Variants in FGGY observed in about 807,000 individuals in gnomAD.
The protein encoded by FGGY is FGGY carbohydrate kinase domain containing.
A neutral mutation model predicts 71.3 loss-of-function variants in FGGY; 72 were observed. The observed-to-expected ratio is 1.01, with a 90% confidence interval of 0.84 to 1.23. The LOEUF (loss-of-function observed/expected upper bound fraction) is 1.23. FGGY is among the 50% of genes most tolerant of loss of function. The pLI, the probability that FGGY is intolerant of heterozygous loss-of-function variation, is 0.00. For synonymous variants in FGGY, 251 were observed against 250.3 expected, an observed-to-expected ratio of 1.00 and a Z score of -0.02; for missense variants, 668 against 682.3, an observed-to-expected ratio of 0.98 and a Z score of 0.23.
At chr1:59,334,514 T>C (rs2049096926) in intron 2 of FGGY, among the ~76,000 whole-genome samples, 4 of 152,192 alleles carry the variant, frequency 2.6e-5, no homozygotes, top group Admixed American at 2.6e-4. Flanking sequence ...TTAAATAATA[T>C]GTATGTCAAA....
chr1:59,314,978 TAGCC>T (rs1378071284), intron 1 of FGGY, among the ~76,000 whole-genome samples: 1 of 152,206 alleles, frequency 6.6e-6, no homozygotes, highest in African/African-American at 2.4e-5. Flanking sequence ...CAGAGCCTGT[TAGCC>T]AGCTGGCTCC....
chr1:59,537,327 A>G lies in FGGY; in HGVS notation c.800-16797A>G, dbSNP rs375791286. 2.0e-5 allele frequency among the ~76,000 whole-genome samples: 3 copies of G among 152,304 alleles called. No homozygotes were observed. In the East Asian group the frequency reaches 5.8e-4, roughly 29 times the overall value. ...ACCTCTTCAAGGAGAACTACAAACCACTGCTCAAGGAAATAAAAGAGGACA... is the reference window on the plus strand; with the variant it reads ...ACCTCTTCAAGGAGAACTACAAACCGCTGCTCAAGGAAATAAAAGAGGACA... On this transcript the variant is annotated intron_variant, in intron 7 of 15. Coordinates refer to ENST00000303721, the MANE Select transcript of FGGY (RefSeq NM_018291.5).
At chr1:59,517,207 C>T (rs1316225939) in intron 7 of FGGY, among the ~76,000 whole-genome samples, 1 of 149,404 alleles carries the variant, frequency 6.7e-6, no homozygotes, top group Non-Finnish European at 1.5e-5. Flanking sequence ...CCCTGAAAGG[C>T]AATAACAACC....
At chr1:59,479,788 C>T (rs1558070362) in intron 6 of FGGY, among the ~76,000 whole-genome samples, 3 of 152,244 alleles carry the variant, frequency 2.0e-5, no homozygotes, top group Middle Eastern at 3.4e-3. Context: ...GCTTAGGGGT[C>T]GCCATGAATT....
rs78729604 is a variant in FGGY at position 59,388,505 on chromosome 1, G to A, written c.554+9668G>A. 2.0e-3 allele frequency among the ~76,000 whole-genome samples: 297 copies of A among 152,222 alleles called. 6 individuals carry two copies. In the East Asian group the frequency reaches 0.054, roughly 28 times the overall value. ...GTCTCATTCTCCCCAGAGAGCAGAGGCAGCAGCAGGAGAAGAAGGGAGAAA... is the reference window on the plus strand; with the variant it reads ...GTCTCATTCTCCCCAGAGAGCAGAGACAGCAGCAGGAGAAGAAGGGAGAAA... On this transcript the variant is annotated intron_variant, in intron 5 of 15. Coordinates refer to ENST00000303721, the MANE Select transcript of FGGY (RefSeq NM_018291.5).
intron 7 of FGGY, among the ~76,000 whole-genome samples, chr1:59,542,198 T>C (rs750773014): frequency 5.3e-5 from 8 of 152,228 alleles, no homozygotes; most frequent in Non-Finnish European, 8.8e-5. Flanking sequence ...CTTGAAGCCA[T>C]GATTAGTCTG....
chr1:59,567,810 G>A (rs962610922), intron 8 of FGGY, among the ~76,000 whole-genome samples: 1 of 151,052 alleles, frequency 6.6e-6, no homozygotes, highest in Non-Finnish European at 1.5e-5. Flanking sequence ...TATTAAATCT[G>A]ATGGTTTCAT....
At chr1:59,551,375 A>C (rs2095605403) in intron 7 of FGGY, among the ~76,000 whole-genome samples, 1 of 152,160 alleles carries the variant, frequency 6.6e-6, no homozygotes. Context: ...CCTTCATTTT[A>C]ATTCCCTTTT....
intron 8 of FGGY, among the ~76,000 whole-genome samples, chr1:59,590,211 A>T (rs898538011): frequency 6.6e-6 from 1 of 152,236 alleles, no homozygotes; most frequent in African/African-American, 2.4e-5. Context: ...ATTCCTCGAC[A>T]CATACACCCT....
intron 4 of FGGY, among the ~76,000 whole-genome samples, chr1:59,372,574 C>T (rs1306907558): frequency 6.6e-6 from 1 of 152,158 alleles, no homozygotes; most frequent in Non-Finnish European, 1.5e-5. Context: ...CCAGTATCAT[C>T]CTGATACCAA....
At chr1:59,736,279 C>T (rs1041137317) in intron 14 of FGGY, among the ~76,000 whole-genome samples, 1 of 152,066 alleles carries the variant, frequency 6.6e-6, no homozygotes, top group African/African-American at 2.4e-5. Context: ...TGAAAATAGA[C>T]TAATATAGTA....
chr1:59,608,324 G>A (rs2096643322), intron 9 of FGGY, among the ~76,000 whole-genome samples: 1 of 152,166 alleles, frequency 6.6e-6, no homozygotes, highest in Non-Finnish European at 1.5e-5. Flanking sequence ...ACATGTGCCT[G>A]TAATTTACAC....
At chr1:59,398,087 A>T (rs1206999978) in intron 5 of FGGY, among the ~76,000 whole-genome samples, 1 of 151,972 alleles carries the variant, frequency 6.6e-6, no homozygotes, top group Admixed American at 6.6e-5. Flanking sequence ...ATGGGATGGG[A>T]TTATAGATGG....
intron 1 of FGGY, among the ~76,000 whole-genome samples, chr1:59,311,488 C>T (rs370577808): frequency 2.0e-5 from 3 of 151,824 alleles, no homozygotes; most frequent in Non-Finnish European, 2.9e-5. Context: ...TGAGAACATG[C>T]GGTGTTTGGT....
At chr1:59,463,183 A>C (rs1436182727) in intron 6 of FGGY, among the ~76,000 whole-genome samples, 1 of 152,234 alleles carries the variant, frequency 6.6e-6, no homozygotes, top group African/African-American at 2.4e-5. Flanking sequence ...TGTCCTTTGT[A>C]GGGACATGGA....
intron 4 of FGGY, among the ~76,000 whole-genome samples, chr1:59,349,861 T>A (rs1396249425): frequency 1.3e-5 from 2 of 152,172 alleles, no homozygotes; most frequent in Non-Finnish European, 1.5e-5. Context: ...TAGGTTCTGA[T>A]TCAGTAGCTT....
At chr1:59,418,489 A>G (rs901973483) in intron 5 of FGGY, among the ~76,000 whole-genome samples, 49 of 151,972 alleles carry the variant, frequency 3.2e-4, no homozygotes, top group African/African-American at 1.1e-3. Context: ...GAAGGGAAGG[A>G]GGAAAGAAAA....
At chr1:59,495,651 T>G (rs1350987328) in intron 6 of FGGY, among the ~76,000 whole-genome samples, 1 of 152,126 alleles carries the variant, frequency 6.6e-6, no homozygotes, top group Non-Finnish European at 1.5e-5. Context: ...CTTGAATTGA[T>G]TTTTATATGT....
Position 59,430,744 on chromosome 1 carries a change from G to A in FGGY, c.555-26217G>A, listed in dbSNP as rs148930857. 1.7e-4 allele frequency among the ~76,000 whole-genome samples: 26 copies of A among 152,134 alleles called. 2 individuals are homozygous for A. In the East Asian group the frequency reaches 4.3e-3, roughly 25 times the overall value. On this transcript the variant is annotated intron_variant, in intron 5 of 15. Transcript: ENST00000303721. ...ACAGTTGGTCATATATCTCAGTGTC[G>A]TCAGAGTACAACAAAATGTCATGCC...
Sources: allele counts gnomAD v4.1 joint callset (sites outside exome capture counted in the v4.1 genomes callset), GRCh38; gene constraint gnomAD v4.1.1; transcripts MANE v1.5; gene names NCBI Gene and HGNC (gene_info 2026-07-23, HGNC 2026-07-21).